Variants in SSU72 observed in about 807,000 individuals in gnomAD.
The protein encoded by SSU72 is SSU72 homolog, RNA polymerase II CTD phosphatase.
A neutral mutation model predicts 22.7 loss-of-function variants in SSU72; 12 were observed. The observed-to-expected ratio is 0.53, with a 90% CI of 0.34 to 0.86. SSU72 has a LOEUF of 0.86. SSU72 is among the 40% of genes least tolerant of loss of function. The pLI is 0.02. For synonymous variants in SSU72, 116 were observed against 98.3 expected, an observed-to-expected ratio of 1.18 and a Z score of -1.06; for missense variants, 151 against 249.8, an observed-to-expected ratio of 0.60 and a Z score of 2.67.
intron 1 of SSU72, among the ~76,000 whole-genome samples, chr1:1,565,230 G>A (rs527870349): frequency 3.6e-4 from 55 of 152,198 alleles, no homozygotes; most frequent in African/African-American, 1.2e-3. Flanking sequence ...AAAATTAGCC[G>A]GGCGCGGTGG....
intron 1 of SSU72, among the ~76,000 whole-genome samples, chr1:1,573,898 T>C (rs1316108745): frequency 6.6e-6 from 1 of 151,892 alleles, no homozygotes; most frequent in Non-Finnish European, 1.5e-5. Flanking sequence ...AGACATACGC[T>C]ACGCAAGAGT....
intron 2 of SSU72, chr1:1,564,394 GCACA>G (rs1215689231): frequency 1.5e-6 from 2 of 1,326,184 alleles, no homozygotes; most frequent in Non-Finnish European, 2.0e-6. Context: ...AGGCACGCAC[GCACA>G]CACGCACGCA....
intron 1 of SSU72, among the ~76,000 whole-genome samples, chr1:1,565,252 A>G (rs1261788334): frequency 6.6e-6 from 1 of 152,164 alleles, no homozygotes; most frequent in African/African-American, 2.4e-5. Context: ...GGGCACCTGT[A>G]GTCCCAGCTA....
Position 1,564,705 on chromosome 1 carries a change from G to A in SSU72, c.224+68C>T, listed in dbSNP as rs768621008. ...ACAGGGTGACACGCCTCCTGTGCCCGAGCCACACGTAACACCTTCCAGGGA... is the reference window on the plus strand; with the variant it reads ...ACAGGGTGACACGCCTCCTGTGCCCAAGCCACACGTAACACCTTCCAGGGA... On this transcript the variant is annotated intron_variant, in intron 2 of 4. Transcript: ENST00000291386. 48 of 1,614,040 alleles carry A rather than the reference G, an allele frequency of 3.0e-5. No homozygotes were observed. The East Asian group carries it at 4.2e-4, about 14-fold the overall frequency.
Position 1,564,698 on chromosome 1 carries a change from T to C in SSU72, c.224+75A>G, listed in dbSNP as rs558835607. 3.2e-5 allele frequency: 51 copies of C among 1,614,156 alleles called. No homozygotes were observed. The Admixed American group carries it at 8.5e-4, about 27-fold the overall frequency. On this transcript the variant is annotated intron_variant, in intron 2 of 4. Transcript: ENST00000291386. ...GCACTGCACAGGGTGACACGCCTCC[T>C]GTGCCCGAGCCACACGTAACACCTT...
Position 1,570,853 on chromosome 1 carries a change from T to G in SSU72, c.80+3625A>C, listed in dbSNP as rs143117937. On this transcript the variant is annotated intron_variant, in intron 1 of 4. Transcript: ENST00000291386. ...CAGGCTGGGCGTGGTGGCTCACGCC[T>G]GTAATCCCAGCACTTTGGGAGGCCA... is the stretch of plus-strand genomic sequence containing the variant. Among the ~76,000 whole-genome samples the G allele has an allele frequency of 2.1e-3, 315 of 152,222 alleles. 1 individual carries two copies. Among genetic ancestry groups the G allele is most frequent in the African/African-American group, 7.0e-3 (292 of 41,534 alleles).
rs531720810 is a variant in SSU72 at position 1,551,566 on chromosome 1, G to C, written c.225-6564C>G. On this transcript the variant is annotated intron_variant, in intron 2 of 4. Coordinates refer to ENST00000291386, the MANE Select transcript of SSU72 (RefSeq NM_014188.3). Reference sequence around the variant, plus strand: ...TGCTACCTGTACACTCAGATTCCCAGAGCCCATCCCCACTGGTCAGGGAGG... The same window carrying C: ...TGCTACCTGTACACTCAGATTCCCACAGCCCATCCCCACTGGTCAGGGAGG... Among the ~76,000 whole-genome samples the C allele has an allele frequency of 5.5e-3, 841 of 151,692 alleles. 3 individuals are homozygous for C. Among genetic ancestry groups the C allele is most frequent in the South Asian group, 0.018 (84 of 4,776 alleles).
At position 1,574,571 on chromosome 1, in the gene SSU72, A is replaced by G. The variant is rs1176664212; in HGVS notation, c.-14T>C. On this transcript the variant is annotated 5_prime_UTR_variant, in exon 1 of 5. Coordinates refer to ENST00000291386, the MANE Select transcript of SSU72 (RefSeq NM_014188.3). ...GGACGACGGCATGGCGGCGGCCGCA[A>G]ATCCCGCGGCTCTCCCGCTTGGGTT... is the stretch of plus-strand genomic sequence containing the variant. 1.9e-6 allele frequency: 3 copies of G among 1,581,592 alleles called. No individual in the cohort carries two copies. The highest frequency in any genetic ancestry group is 2.6e-6 in the Non-Finnish European group (3 of 1,167,112).
rs1057320564 is a variant in SSU72, at chr1:1,542,662, G to A, written c.484-495C>T. ...CCCTGGCACCGGCAGCTCGTTACTCGCCATCTCCACTGTCCCCTGGTCCCC... is the reference window on the plus strand; with the variant it reads ...CCCTGGCACCGGCAGCTCGTTACTCACCATCTCCACTGTCCCCTGGTCCCC... On this transcript the variant is annotated intron_variant, in intron 4 of 4. Transcript: ENST00000291386. The surrounding 1 kb of genome is among the most constrained non-coding windows in gnomAD (Gnocchi z 4.4). Among the ~76,000 whole-genome samples the A allele has an allele frequency of 6.6e-6, 1 of 152,048 alleles. No homozygotes were observed. The highest frequency in any genetic ancestry group is 6.6e-5 in the Admixed American group (1 of 15,262).
chr1:1,564,660 G>A (rs1642637397), intron 2 of SSU72, 113 bp downstream of exon 2: 2 of 1,613,948 alleles, frequency 1.2e-6, no homozygotes, highest in Non-Finnish European at 1.7e-6. Context: ...CAAAGACAGA[G>A]GAGCCAGTGT....
intron 2 of SSU72, among the ~76,000 whole-genome samples, chr1:1,559,881 T>C (rs1029033706): frequency 6.6e-6 from 1 of 152,126 alleles, no homozygotes; most frequent in Non-Finnish European, 1.5e-5. Flanking sequence ...TGCACCACGA[T>C]GGCCGGCTAA....
At chr1:1,548,012 G>C (rs979227061) in intron 2 of SSU72, among the ~76,000 whole-genome samples, 12 of 152,246 alleles carry the variant, frequency 7.9e-5, no homozygotes, top group Non-Finnish European at 1.5e-5. Flanking sequence ...ACCCATGCTA[G>C]GGCCCCAACT....
At chr1:1,544,612 G>T in intron 3 of SSU72, 1 of 547,058 alleles carries the variant, frequency 1.8e-6, no homozygotes, top group East Asian at 3.2e-5. Context: ...GCACGACTCT[G>T]TCTCAAAAAA....
intron 4 of SSU72, among the ~76,000 whole-genome samples, chr1:1,543,416 C>A (rs537305810): frequency 6.6e-6 from 1 of 152,348 alleles, no homozygotes; most frequent in African/African-American, 2.4e-5. Flanking sequence ...GGGAGAGGGA[C>A]TAAGCCTGTG....
In SSU72 at chr1:1,571,244, CAAAAAAAAAAAAAAAAAAAAA is replaced by C. The variant is rs753699933; in HGVS notation, c.80+3213_80+3233del. On this transcript the variant is annotated intron_variant, in intron 1 of 4. Coordinates refer to ENST00000291386, the MANE Select transcript of SSU72 (RefSeq NM_014188.3). ...TGGGCGACAGAGTGAGACTCCATCT[CAAAAAAAAAAAAAAAAAAAAA>C]AAAAAAAAAAAAAAAAAGTTAGCTG... Among the ~76,000 whole-genome samples the C allele has an allele frequency of 2.5e-3, 116 of 46,898 alleles. 3 individuals are homozygous for C. The highest frequency in any genetic ancestry group is 7.6e-3 in the African/African-American group (107 of 14,014). The allele number at this position is 46,898 out of a possible 152,430, so 30.8% of individuals were successfully genotyped here.
intron 1 of SSU72, among the ~76,000 whole-genome samples, chr1:1,571,915 C>T (rs980654223): frequency 9.2e-5 from 14 of 151,760 alleles, no homozygotes; most frequent in Admixed American, 2.6e-4. Context: ...CTGCCTCAGC[C>T]TCCTGAGCAG....
intron 2 of SSU72, among the ~76,000 whole-genome samples, chr1:1,555,300 G>A (rs1351175425): frequency 6.6e-6 from 1 of 152,238 alleles, no homozygotes; most frequent in Non-Finnish European, 1.5e-5. Context: ...GCATGGCGGG[G>A]ATGAGACAGC....
Position 1,543,926 on chromosome 1 carries a change from C to T in SSU72, c.426G>A (p.Gln142=), listed in dbSNP as rs144325835. ...CCAGGGTGGCCTCCTCGTGGTTGTC[C>T]TGGATGTCCACATTGACCACGTGCA... ...QPVHVVNVDI[Q]DNHEEATLGA... is the part of the protein sequence containing the mutation. Residue 142 remains glutamine (Q), a synonymous_variant, in exon 4 of 5, where the codon CAG becomes CAA. Coordinates refer to ENST00000291386, the MANE Select transcript of SSU72 (RefSeq NM_014188.3). The T allele has an allele frequency of 1.8e-5, 29 of 1,613,978 alleles. No homozygotes were observed. In the Admixed American group the frequency reaches 4.3e-4, roughly 24 times the overall value.
intron 4 of SSU72, among the ~76,000 whole-genome samples, chr1:1,543,134 C>T (rs545361334): frequency 5.3e-5 from 8 of 152,362 alleles, no homozygotes; most frequent in South Asian, 4.1e-4. Flanking sequence ...AGCACCTCCA[C>T]GCCGCAGCAG....
Sources: gnomAD v4.1 joint callset for allele counts (sites outside exome capture counted in the v4.1 genomes callset) on GRCh38, gnomAD v4.1.1 for gene constraint, Gnocchi (gnomAD v3.1) non-coding constraint, MANE v1.5 for transcripts, NCBI Gene and HGNC (gene_info 2026-07-23, HGNC 2026-07-21) for gene names.